The following TRDN variants were observed in gnomAD, a reference collection of about 807,000 sequenced individuals.
TRDN encodes the protein triadin.
A neutral mutation model predicts 149.7 loss-of-function variants in TRDN; 161 were observed. That is an observed-to-expected ratio of 1.08 (90% CI 0.95 to 1.23). The LOEUF is 1.23. Among genes scored for constraint, TRDN ranks in the 50% most tolerant of loss-of-function variants. The pLI, the probability that TRDN is intolerant of heterozygous loss-of-function variation, is 0.00. For missense variants in TRDN, 896 were observed against 823.5 expected, an observed-to-expected ratio of 1.09 and a Z score of -1.08; for synonymous variants, 294 against 250.5, an observed-to-expected ratio of 1.17 and a Z score of -1.64.
Position 123,411,171 on chromosome 6 carries a change from C to T in TRDN, c.1052-17494G>A, listed in dbSNP as rs180834731. On this transcript the variant is annotated intron_variant, in intron 12 of 40. Transcript: ENST00000334268. ...AAGCGATTATCCAACCTCAGCCTCA[C>T]GAGTAGCTGGGGTTACAGGTGCCCG... is the stretch of plus-strand genomic sequence containing the variant. 1.1e-3 allele frequency among the ~76,000 whole-genome samples: 174 copies of T among 151,498 alleles called. 1 individual carries two copies. The highest frequency in any genetic ancestry group is 3.6e-3 in the African/African-American group (149 of 41,300).
At chr6:123,368,252 T>C (rs1268818875) in intron 19 of TRDN, among the ~76,000 whole-genome samples, 1 of 152,168 alleles carries the variant, frequency 6.6e-6, no homozygotes, top group Non-Finnish European at 1.5e-5. Flanking sequence ...CCCAGTTCTT[T>C]TGAAGTACAT....
intron 9 of TRDN, 36 bp downstream of exon 9, chr6:123,497,157 A>AT (rs1562347095): frequency 6.8e-7 from 1 of 1,474,292 alleles, no homozygotes; most frequent in Non-Finnish European, 9.1e-7. Context: ...AACAAAGACT[A>AT]TTAAAACAGA....
intron 9 of TRDN, among the ~76,000 whole-genome samples, chr6:123,469,454 G>C (rs1250889038): frequency 2.1e-4 from 32 of 152,130 alleles, no homozygotes; most frequent in Non-Finnish European, 1.6e-4. Flanking sequence ...AATAATCAGA[G>C]ATGTTCAAAT....
intron 38 of TRDN, among the ~76,000 whole-genome samples, chr6:123,251,256 C>A (rs1582777440): frequency 6.6e-6 from 1 of 151,938 alleles, no homozygotes. Context: ...TTAATGGTTC[C>A]TTTTTATTGT....
chr6:123,352,344 T>C (rs1310816724), intron 21 of TRDN, 195 bp downstream of exon 21: 1 of 985,068 alleles, frequency 1.0e-6, no homozygotes, highest in Non-Finnish European at 1.2e-6. Context: ...TATTCAAAGT[T>C]CAGTTACACA....
chr6:123,222,964 A>C (rs1775207090), intron 39 of TRDN, among the ~76,000 whole-genome samples: 1 of 151,768 alleles, frequency 6.6e-6, no homozygotes, highest in Non-Finnish European at 1.5e-5. Context: ...TCACACCAGT[A>C]AGCATGGCTA....
chr6:123,442,255 A>G (rs998343432), intron 10 of TRDN: 2 of 152,248 alleles, frequency 1.3e-5, no homozygotes, highest in Admixed American at 6.5e-5. Flanking sequence ...CTCATTTGAA[A>G]AGTGGAGCTA....
At chr6:123,593,238 T>A (rs1025535425) in intron 1 of TRDN, among the ~76,000 whole-genome samples, 7 of 152,200 alleles carry the variant, frequency 4.6e-5, no homozygotes, top group African/African-American at 1.7e-4. Flanking sequence ...CTGAAAATCA[T>A]CACACAAGCC....
At chr6:123,460,616 T>G (rs1776394067) in intron 10 of TRDN, among the ~76,000 whole-genome samples, 1 of 152,180 alleles carries the variant, frequency 6.6e-6, no homozygotes, top group South Asian at 2.1e-4. Context: ...AAATAAAAAT[T>G]GAGGCCAAAT....
chr6:123,571,646 A>C (rs1027363457), intron 1 of TRDN, among the ~76,000 whole-genome samples: 2 of 152,180 alleles, frequency 1.3e-5, no homozygotes, highest in African/African-American at 4.8e-5. Flanking sequence ...TAAAAATAAA[A>C]TAAATAGATA....
At chr6:123,505,216 C>T (rs1382185729) in intron 7 of TRDN, among the ~76,000 whole-genome samples, 1 of 108,618 alleles carries the variant, frequency 9.2e-6, no homozygotes, top group African/African-American at 3.8e-5. Flanking sequence ...TGCACCACAA[C>T]TTGGGCAACA....
At chr6:123,497,167 A>G in intron 9 of TRDN, 26 bp downstream of exon 9, 1 of 1,503,702 alleles carries the variant, frequency 6.7e-7, no homozygotes, top group Non-Finnish European at 8.9e-7. Flanking sequence ...ATTAAAACAG[A>G]CAAGTACAAG....
intron 9 of TRDN, among the ~76,000 whole-genome samples, chr6:123,485,151 T>A (rs1777919714): frequency 6.6e-6 from 1 of 152,200 alleles, no homozygotes; most frequent in African/African-American, 2.4e-5. Flanking sequence ...TGTGCTTCCA[T>A]AATTAAGCCT....
intron 12 of TRDN, among the ~76,000 whole-genome samples, chr6:123,408,432 C>G (rs1373741453): frequency 6.6e-6 from 1 of 152,040 alleles, no homozygotes; most frequent in Admixed American, 6.5e-5. Context: ...AATCCCAACA[C>G]TTTGGGAGGC....
At chr6:123,465,504 G>A (rs1776732467) in intron 9 of TRDN, among the ~76,000 whole-genome samples, 1 of 145,304 alleles carries the variant, frequency 6.9e-6, no homozygotes, top group Non-Finnish European at 1.5e-5. Context: ...TAAATAATGA[G>A]CCAAAGAGAA....
intron 12 of TRDN, among the ~76,000 whole-genome samples, chr6:123,414,988 AATTC>A (rs1334629162): frequency 2.0e-5 from 3 of 152,172 alleles, no homozygotes; most frequent in Non-Finnish European, 2.9e-5. Flanking sequence ...AGTCCTTTCT[AATTC>A]ATTCATTCAG....
At chr6:123,562,911 C>T (rs1782077816) in intron 2 of TRDN, among the ~76,000 whole-genome samples, 1 of 152,196 alleles carries the variant, frequency 6.6e-6, no homozygotes, top group Admixed American at 6.5e-5. Context: ...TTTGAATAGT[C>T]ATATTGTAGC....
Position 123,465,220 on chromosome 6 carries a change from T to C in TRDN, c.854-237A>G, listed in dbSNP as rs10499123. On this transcript the variant is annotated intron_variant, in intron 9 of 40. Transcript: ENST00000334268. ...ATATATTATTTTCCATAGATGGATATGCAATGTTAAATATATCTACTGGAC... is the reference window on the plus strand; with the variant it reads ...ATATATTATTTTCCATAGATGGATACGCAATGTTAAATATATCTACTGGAC... 0.13 allele frequency among the ~76,000 whole-genome samples: 19,790 copies of C among 152,202 alleles called. 1,808 individuals are homozygous for C. Among genetic ancestry groups the C allele is most frequent in the South Asian group, 0.28 (1,352 of 4,818 alleles).
At chr6:123,533,764 G>A (rs9490802) in intron 4 of TRDN, among the ~76,000 whole-genome samples, 17,179 of 151,972 alleles carry the variant, frequency 0.11, 1,122 homozygotes, top group South Asian at 0.22. Flanking sequence ...TAGGGTAAAT[G>A]TATTATCTCC....
Sources: gnomAD v4.1 joint callset for allele counts (sites outside exome capture counted in the v4.1 genomes callset) on GRCh38, gnomAD v4.1.1 for gene constraint, MANE v1.5 for transcripts, NCBI Gene and HGNC (gene_info 2026-07-23, HGNC 2026-07-21) for gene names.